Variants in RBKS observed in about 807,000 individuals in gnomAD.
RBKS encodes the protein ribokinase.
RBKS carries 33 observed loss-of-function variants against 33.9 expected under a neutral mutation model. The observed-to-expected ratio is 0.97, with a 90% CI of 0.74 to 1.30. The LOEUF (loss-of-function observed/expected upper bound fraction) is 1.30, where lower values mean the gene tolerates loss of function less well. RBKS is among the 50% of genes most tolerant of loss of function. The pLI is 0.00. For missense variants in RBKS, 361 were observed against 392.6 expected, an observed-to-expected ratio of 0.92 and a Z score of 0.68; for synonymous variants, 125 against 143.0, an observed-to-expected ratio of 0.87 and a Z score of 0.90.
At chr2:27,878,492 A>T (rs1029040644) in intron 1 of RBKS, among the ~76,000 whole-genome samples, 1 of 152,074 alleles carries the variant, frequency 6.6e-6, no homozygotes, top group Non-Finnish European at 1.5e-5. Context: ...AATAAACATA[A>T]GTGTGCATGT....
At chr2:27,803,474 G>T (rs2148190334) in intron 7 of RBKS, among the ~76,000 whole-genome samples, 1 of 151,744 alleles carries the variant, frequency 6.6e-6, no homozygotes, top group Non-Finnish European at 1.5e-5. Context: ...GAGGCGGAAG[G>T]ATCAGTTGAG....
chr2:27,885,722 T>C (rs1214536785), intron 1 of RBKS, among the ~76,000 whole-genome samples: 1 of 152,212 alleles, frequency 6.6e-6, no homozygotes, highest in Non-Finnish European at 1.5e-5. Flanking sequence ...ACTTACTATG[T>C]AATTAACTTA....
intron 5 of RBKS, among the ~76,000 whole-genome samples, chr2:27,839,054 T>A (rs1663404385): frequency 6.6e-6 from 1 of 152,152 alleles, no homozygotes; most frequent in Non-Finnish European, 1.5e-5. Flanking sequence ...AAAATCACCC[T>A]GAGTGAAGAC....
At chr2:27,808,754 A>G (rs994675201) in intron 7 of RBKS, among the ~76,000 whole-genome samples, 11 of 152,230 alleles carry the variant, frequency 7.2e-5, no homozygotes, top group African/African-American at 2.2e-4. Context: ...TTGAGATAAC[A>G]TTTGTAAAAA....
intron 7 of RBKS, among the ~76,000 whole-genome samples, chr2:27,818,186 C>G (rs1278248394): frequency 6.6e-6 from 1 of 152,178 alleles, no homozygotes; most frequent in Non-Finnish European, 1.5e-5. Context: ...TAGGGATGTA[C>G]TAGTAAGAAC....
In RBKS at chr2:27,843,068, TC is replaced by T; in HGVS notation, c.512del (p.Gly171GlufsTer2). 6.3e-7 allele frequency: 1 copy of T among 1,577,594 alleles called. No individual in the cohort carries two copies. The highest frequency in any genetic ancestry group is 8.6e-7 in the Non-Finnish European group (1 of 1,162,228). The part of the protein sequence containing the change: ...LEALTMARRS[G>X]VKTLFNPAPA... ...AGAATGACAAATATGTATAATTACC[TC>T]CACTCCTGCGGGCCATTGTTAGGGC... On this transcript the variant is annotated frameshift_variant and splice_region_variant, in exon 5 of 8. Transcript: ENST00000302188. LOFTEE classifies it high-confidence loss of function.
In RBKS at chr2:27,890,169, C is replaced by G. The variant is rs1664696861; in HGVS notation, c.89+88G>C. The G allele has an allele frequency of 7.9e-7, 1 of 1,271,368 alleles. No homozygotes were observed. Among genetic ancestry groups the G allele is most frequent in the Non-Finnish European group, 1.1e-6 (1 of 888,702 alleles). 78.8% of individuals were successfully genotyped at this position (1,271,368 alleles called of 1,614,324 possible). A position where few individuals can be genotyped will look rare whatever the true frequency, so the allele number is the denominator to read the frequency against. ...AGCTAGCACTGTCTATCCCTGGAGA[C>G]CCAGCGCCCAAAAGCTCCACTGGGC... On this transcript the variant is annotated intron_variant, in intron 1 of 7. Transcript: ENST00000302188. The surrounding 1 kb of genome is among the most constrained non-coding windows in gnomAD (Gnocchi z 4.8).
intron 2 of RBKS, among the ~76,000 whole-genome samples, chr2:27,857,279 G>A (rs1168018686): frequency 6.6e-6 from 1 of 152,092 alleles, no homozygotes; most frequent in Admixed American, 6.5e-5. Context: ...ACACAGGCTG[G>A]CTTTCCCTAA....
chr2:27,792,013 G>A (rs1288392222), intron 7 of RBKS, among the ~76,000 whole-genome samples: 1 of 152,072 alleles, frequency 6.6e-6, no homozygotes, highest in African/African-American at 2.4e-5. Context: ...CAGAGGGGTG[G>A]GTATGTGTAT....
chr2:27,861,052 C>T (rs1663969445), intron 1 of RBKS, among the ~76,000 whole-genome samples: 1 of 151,972 alleles, frequency 6.6e-6, no homozygotes, highest in Admixed American at 6.5e-5. Context: ...ACTGCAACCT[C>T]CACCTCCTTG....
intron 5 of RBKS, among the ~76,000 whole-genome samples, chr2:27,839,986 A>G (rs549627517): frequency 6.6e-6 from 1 of 150,936 alleles, no homozygotes; most frequent in African/African-American, 2.4e-5. Context: ...CAATTCCCAA[A>G]CCAATGGTCT....
chr2:27,833,675 C>T (rs1313091632), intron 5 of RBKS, among the ~76,000 whole-genome samples: 1 of 152,228 alleles, frequency 6.6e-6, no homozygotes, highest in Non-Finnish European at 1.5e-5. Context: ...TAGGCCAGGA[C>T]TCTGTCCACA....
intron 5 of RBKS, among the ~76,000 whole-genome samples, chr2:27,840,409 T>C (rs1180310651): frequency 1.4e-5 from 2 of 147,504 alleles, no homozygotes; most frequent in Non-Finnish European, 3.0e-5. Context: ...CCTCATGGAA[T>C]AGAATCTAAG....
At chr2:27,839,724 C>G (rs983318915) in intron 5 of RBKS, among the ~76,000 whole-genome samples, 3 of 152,096 alleles carry the variant, frequency 2.0e-5, no homozygotes, top group Non-Finnish European at 4.4e-5. Context: ...TATCATCGTT[C>G]TTGAAGACGG....
At chr2:27,843,909 C>T (rs902751298) in intron 4 of RBKS, among the ~76,000 whole-genome samples, 3 of 152,158 alleles carry the variant, frequency 2.0e-5, no homozygotes, top group African/African-American at 7.2e-5. Flanking sequence ...AAGAGCTGTG[C>T]TGTCCAACAT....
At chr2:27,884,552 CTTTTT>C (rs561922097) in intron 1 of RBKS, among the ~76,000 whole-genome samples, 1,764 of 148,842 alleles carry the variant, frequency 0.012, 41 homozygotes, top group African/African-American at 0.041. Context: ...CTGGCCATAA[CTTTTT>C]TTTTTTAAGT....
intron 1 of RBKS, among the ~76,000 whole-genome samples, chr2:27,860,779 T>C (rs532542914): frequency 6.6e-6 from 1 of 152,344 alleles, no homozygotes; most frequent in South Asian, 2.1e-4. Context: ...CTTTTTCTTC[T>C]GCATCCTTCC....
At chr2:27,794,317 TAATAATA>T (rs1209949654) in intron 7 of RBKS, among the ~76,000 whole-genome samples, 3 of 140,738 alleles carry the variant, frequency 2.1e-5, no homozygotes, top group Non-Finnish European at 3.1e-5. Flanking sequence ...ATAATAATAA[TAATAATA>T]ATAATAATAA....
At chr2:27,816,937 G>C (rs753042573) in intron 7 of RBKS, among the ~76,000 whole-genome samples, 1 of 152,144 alleles carries the variant, frequency 6.6e-6, no homozygotes, top group Non-Finnish European at 1.5e-5. Context: ...CAATTATTCT[G>C]TTTTCAAATC....
Sources: gnomAD v4.1 joint callset for allele counts (sites outside exome capture counted in the v4.1 genomes callset) on GRCh38, gnomAD v4.1.1 for gene constraint, Gnocchi (gnomAD v3.1) non-coding constraint, MANE v1.5 for transcripts, NCBI Gene and HGNC (gene_info 2026-07-23, HGNC 2026-07-21) for gene names.